Variants in PCDH15 observed in about 807,000 individuals in gnomAD.
The protein encoded by PCDH15 is protocadherin related 15, also known as protocadherin-15.
Under a neutral mutation model 178.5 loss-of-function variants are expected in PCDH15, and 129 were observed. The ratio of observed to expected loss-of-function variants is 0.72; its 90% CI spans 0.63 to 0.84. The LOEUF is 0.84. PCDH15 is among the 40% of genes least tolerant of loss of function. The probability of loss-of-function intolerance (pLI) is 0.00; values close to 1 mark genes in which losing one functional copy is unlikely to be tolerated. For missense variants in PCDH15, 2,230 were observed against 2,099.9 expected, an observed-to-expected ratio of 1.06 and a Z score of -1.21; for synonymous variants, 800 against 732.0, an observed-to-expected ratio of 1.09 and a Z score of -1.50.
At chr10:53,970,093 G>A (rs534356729) in intron 21 of PCDH15, among the ~76,000 whole-genome samples, 52 of 152,218 alleles carry the variant, frequency 3.4e-4, no homozygotes, top group African/African-American at 5.8e-4. Flanking sequence ...AGACCCATCA[G>A]TGTGCTGTAT....
At chr10:54,471,390 C>A (rs61853583) in intron 3 of PCDH15, among the ~76,000 whole-genome samples, 20,051 of 152,030 alleles carry the variant, frequency 0.13, 1,679 homozygotes, top group Admixed American at 0.29. Flanking sequence ...TCTAAAAACG[C>A]TTCTCAGGCT....
intron 2 of PCDH15, among the ~76,000 whole-genome samples, chr10:55,402,992 T>A (rs1838109866): frequency 6.6e-6 from 1 of 151,972 alleles, no homozygotes; most frequent in African/African-American, 2.4e-5. Flanking sequence ...TTATTTTTTG[T>A]CTTTTTGATA....
chr10:55,221,063 C>A (rs1326649652), intron 1 of PCDH15, among the ~76,000 whole-genome samples: 1 of 151,950 alleles, frequency 6.6e-6, no homozygotes, highest in African/African-American at 2.4e-5. Flanking sequence ...TGCTTTTCAG[C>A]AATGAAAAGA....
intron 1 of PCDH15, among the ~76,000 whole-genome samples, chr10:54,677,459 T>C (rs917615687): frequency 3.9e-5 from 6 of 152,158 alleles, no homozygotes; most frequent in East Asian, 1.9e-4. Flanking sequence ...ATAATGATAA[T>C]AGCGTGTGTG....
intron 11 of PCDH15, among the ~76,000 whole-genome samples, chr10:54,189,832 T>C (rs1435165644): frequency 6.6e-6 from 1 of 151,914 alleles, no homozygotes; most frequent in Non-Finnish European, 1.5e-5. Context: ...CTACTTATAT[T>C]ATGGGTTATT....
Position 54,242,130 on chromosome 10 carries a change from TTATATATATATATATATATATATATA to T in PCDH15, c.877-5225_877-5200del, listed in dbSNP as rs57729172. Among the ~76,000 whole-genome samples, 109 of 31,698 alleles carry T rather than the reference TTATATATATATATATATATATATATA, an allele frequency of 3.4e-3. 3 individuals are homozygous for T. The highest frequency in any genetic ancestry group is 8.7e-3 in the African/African-American group (52 of 5,968). 20.8% of individuals were successfully genotyped at this position (31,698 alleles called of 152,430 possible). A position where few individuals can be genotyped will look rare whatever the true frequency, so the allele number is the denominator to read the frequency against. On this transcript the variant is annotated intron_variant, in intron 8 of 37. Coordinates refer to ENST00000644397, the MANE Select transcript of PCDH15 (RefSeq NM_001384140.1). ...TGAACTTTTGGTCTGAATTCTATTT[TTATATATATATATATATATATATATA>T]TATATATATATATATATATATATAT...
At chr10:55,055,858 A>T (rs1165791720) in intron 2 of PCDH15, among the ~76,000 whole-genome samples, 1 of 152,160 alleles carries the variant, frequency 6.6e-6, no homozygotes, top group African/African-American at 2.4e-5. Flanking sequence ...AGGGTGGCTC[A>T]GAAATAAAAT....
At chr10:54,162,536 T>C (rs931131475) in intron 13 of PCDH15, among the ~76,000 whole-genome samples, 1 of 152,208 alleles carries the variant, frequency 6.6e-6, no homozygotes, top group East Asian at 1.9e-4. Context: ...GATACCTTCA[T>C]ATTTTCCTCT....
chr10:53,842,959 C>T (rs2077750428), intron 28 of PCDH15, among the ~76,000 whole-genome samples: 1 of 152,022 alleles, frequency 6.6e-6, no homozygotes, highest in Non-Finnish European at 1.5e-5. Context: ...TGTGTGTGAT[C>T]CTACAGTGAA....
At chr10:55,058,853 T>G (rs952177017) in intron 2 of PCDH15, among the ~76,000 whole-genome samples, 39 of 152,178 alleles carry the variant, frequency 2.6e-4, no homozygotes, top group African/African-American at 8.9e-4. Context: ...CAAAACCCTG[T>G]CTTTCACTTA....
chr10:53,906,480 T>A (rs2082689955), intron 25 of PCDH15, among the ~76,000 whole-genome samples: 1 of 152,204 alleles, frequency 6.6e-6, no homozygotes, highest in Non-Finnish European at 1.5e-5. Context: ...CCTCAGTTTG[T>A]AGGTAATTTT....
At chr10:53,890,756 C>A (rs1210669752) in intron 26 of PCDH15, among the ~76,000 whole-genome samples, 1 of 151,954 alleles carries the variant, frequency 6.6e-6, no homozygotes, top group African/African-American at 2.4e-5. Flanking sequence ...CATTTCATTG[C>A]CTGTTTTTGA....
intron 2 of PCDH15, among the ~76,000 whole-genome samples, chr10:55,504,133 C>T (rs548858714): frequency 4.0e-5 from 6 of 151,078 alleles, no homozygotes; most frequent in Admixed American, 2.0e-4. Context: ...ATTTAGAACA[C>T]CAAATGTCAA....
intron 14 of PCDH15, 131 bp downstream of exon 14, chr10:54,152,969 C>G: frequency 1.8e-6 from 2 of 1,105,860 alleles, no homozygotes; most frequent in African/African-American, 1.6e-5. Flanking sequence ...TCCTGAGAAT[C>G]TGGTCTCTCT....
At chr10:54,514,615 G>A (rs1371149198) in intron 3 of PCDH15, among the ~76,000 whole-genome samples, 2 of 149,332 alleles carry the variant, frequency 1.3e-5, no homozygotes, top group Admixed American at 6.7e-5. Flanking sequence ...TTTGAAATTG[G>A]CTGAAATAAA....
At position 55,219,880 on chromosome 10, in the gene PCDH15, TCACA is replaced by T. The variant is rs71461286; in HGVS notation, c.-155-53233_-155-53230del. ...TTAGGCCTAGCGATCCTGATATCAG[TCACA>T]CACACACACACACACACACACACAC... On this transcript the variant is annotated intron_variant, in intron 1 of 5. Coordinates refer to the PCDH15 transcript ENST00000458638. 3.2e-3 allele frequency among the ~76,000 whole-genome samples: 464 copies of T among 144,128 alleles called. 2 individuals are homozygous for T. Among genetic ancestry groups the T allele is most frequent in the African/African-American group, 0.01 (403 of 38,984 alleles). 94.6% of individuals were successfully genotyped at this position (144,128 alleles called of 152,430 possible). A position where few individuals can be genotyped will look rare whatever the true frequency, so the allele number is the denominator to read the frequency against.
intron 3 of PCDH15, among the ~76,000 whole-genome samples, chr10:54,443,566 C>T (rs1195080392): frequency 2.0e-5 from 3 of 151,596 alleles, no homozygotes; most frequent in Admixed American, 1.3e-4. Flanking sequence ...GGAAGATACA[C>T]TAGCACCTGT....
At chr10:54,864,497 T>G (rs185223551) in intron 3 of PCDH15, among the ~76,000 whole-genome samples, 4 of 152,278 alleles carry the variant, frequency 2.6e-5, no homozygotes, top group Admixed American at 1.3e-4. Context: ...ATATCAAGGA[T>G]AGATGTACGG....
chr10:53,937,164 C>T (rs2085651664), intron 25 of PCDH15, among the ~76,000 whole-genome samples: 1 of 152,094 alleles, frequency 6.6e-6, no homozygotes, highest in Non-Finnish European at 1.5e-5. Context: ...TTTTATTAGC[C>T]TCAGATTTAC....
Sources: allele counts gnomAD v4.1 joint callset (sites outside exome capture counted in the v4.1 genomes callset), GRCh38; gene constraint gnomAD v4.1.1; transcripts MANE v1.5; gene names NCBI Gene and HGNC (gene_info 2026-07-23, HGNC 2026-07-21).